C17orf67: variants seen among roughly 807,000 people sequenced by gnomAD.
C17orf67 encodes uncharacterized protein C17orf67.
In C17orf67, 12 loss-of-function variants were observed where a neutral mutation model predicts 11.2. That is an observed-to-expected ratio of 1.07 (90% CI 0.68 to 1.73). The LOEUF (loss-of-function observed/expected upper bound fraction) is 1.73, where lower values mean the gene tolerates loss of function less well. C17orf67 is among the 40% of genes most tolerant of loss of function. C17orf67 has a pLI of 0.00. For synonymous variants in C17orf67, 59 were observed against 46.9 expected (o/e 1.26, Z -1.05); for missense variants, 115 against 113.5 (o/e 1.01, Z -0.06).
chr17:56,817,062 A>G (rs1905778721), intron 4 of C17orf67, among the ~76,000 whole-genome samples: 1 of 151,760 alleles, frequency 6.6e-6, no homozygotes, highest in African/African-American at 2.4e-5. Context: ...CACTATTTTG[A>G]CCAGGTTGGT....
intron 4 of C17orf67, among the ~76,000 whole-genome samples, chr17:56,817,313 A>G (rs957986969): frequency 6.6e-6 from 1 of 152,208 alleles, no homozygotes; most frequent in African/African-American, 2.4e-5. Flanking sequence ...ATTTATGCTA[A>G]TGTGTAACTG....
At chr17:56,796,057 CA>C (rs1017538070) in intron 6 of C17orf67, among the ~76,000 whole-genome samples, 1 of 152,080 alleles carries the variant, frequency 6.6e-6, no homozygotes, top group Admixed American at 6.6e-5. Context: ...ATGCTAATAT[CA>C]AACAAAAAGA....
intron 6 of C17orf67, among the ~76,000 whole-genome samples, 182 bp downstream of exon 6, chr17:56,814,687 C>T (rs546393428): frequency 1.3e-5 from 2 of 152,280 alleles, no homozygotes; most frequent in East Asian, 1.9e-4. Flanking sequence ...ACAGGTGAGT[C>T]GGGCTGGCAC....
chr17:56,832,769 T>C (rs79801284), intron 2 of C17orf67, 129 bp downstream of exon 2: 86 of 152,346 alleles, frequency 5.6e-4, no homozygotes, highest in African/African-American at 2.0e-3. Flanking sequence ...CCTATTACAA[T>C]AGTATATTAT....
At chr17:56,822,606 C>T (rs1394571953) in intron 4 of C17orf67, among the ~76,000 whole-genome samples, 1 of 152,216 alleles carries the variant, frequency 6.6e-6, no homozygotes, top group Non-Finnish European at 1.5e-5. Flanking sequence ...TATTTCTCCT[C>T]CTTCTCTATG....
intron 7 of C17orf67, 128 bp from the exon 8 acceptor site, chr17:56,792,480 G>T (rs1473661574): frequency 1.3e-5 from 2 of 149,962 alleles, no homozygotes; most frequent in East Asian, 3.9e-4. Context: ...AGTGATGATG[G>T]TTATGATGGT....
intron 2 of C17orf67, among the ~76,000 whole-genome samples, chr17:56,828,762 G>A (rs918357849): frequency 1.3e-5 from 2 of 150,294 alleles, no homozygotes; most frequent in African/African-American, 2.5e-5. Context: ...GTTAGGAATC[G>A]ACTCCATGTA....
intron 2 of C17orf67, among the ~76,000 whole-genome samples, chr17:56,825,940 TGTGA>T (rs1375579290): frequency 1.9e-5 from 1 of 51,388 alleles, no homozygotes; most frequent in Non-Finnish European, 4.6e-5. Flanking sequence ...GGGGGAAACC[TGTGA>T]GTGTGTGTGT....
chr17:56,818,705 A>G (rs1468923509), intron 4 of C17orf67, among the ~76,000 whole-genome samples: 1 of 152,226 alleles, frequency 6.6e-6, no homozygotes, highest in Non-Finnish European at 1.5e-5. Flanking sequence ...TATCCAAAAT[A>G]TTATTATTTT....
intron 6 of C17orf67, chr17:56,803,798 C>T (rs1032568714): frequency 6.6e-6 from 1 of 152,128 alleles, no homozygotes; most frequent in Non-Finnish European, 1.5e-5. Context: ...GAAAAACAAC[C>T]AAAACAGACA....
intron 6 of C17orf67, among the ~76,000 whole-genome samples, chr17:56,814,326 A>G (rs1198090859): frequency 6.6e-6 from 1 of 152,208 alleles, no homozygotes; most frequent in Non-Finnish European, 1.5e-5. Context: ...GGGTCTAGTA[A>G]CATCTACTCA....
rs146102667 is a variant in C17orf67, at chr17:56,806,570, C to A, written c.156+8299G>T. 8.9e-3 allele frequency among the ~76,000 whole-genome samples: 1,355 copies of A among 152,168 alleles called. 14 individuals carry two copies. Among genetic ancestry groups the A allele is most frequent in the African/African-American group, 0.021 (858 of 41,514 alleles). Reference sequence around the variant, plus strand: ...CTAGGAAGGCAGAATTTTACTGTTACCCAGGTTGGAGTGCAGCAATCATAG... The same window carrying A: ...CTAGGAAGGCAGAATTTTACTGTTAACCAGGTTGGAGTGCAGCAATCATAG... On this transcript the variant is annotated intron_variant, in intron 6 of 7. Transcript: ENST00000397861.
At chr17:56,830,462 T>C (rs1906167689) in intron 2 of C17orf67, among the ~76,000 whole-genome samples, 1 of 152,234 alleles carries the variant, frequency 6.6e-6, no homozygotes, top group Non-Finnish European at 1.5e-5. Flanking sequence ...AGTGGATATT[T>C]TTCAAAAAAC....
At chr17:56,819,535 GGA>G in intron 4 of C17orf67, among the ~76,000 whole-genome samples, 1 of 152,266 alleles carries the variant, frequency 6.6e-6, no homozygotes, top group East Asian at 1.9e-4. Flanking sequence ...TGGTGAGACT[GGA>G]GAGAGTCGGA....
rs546928411 is a variant in C17orf67 at position 56,805,022 on chromosome 17, A to G, written c.157-9842T>C. ...TGGAAAGAAGTAACAATCATTTAGT[A>G]AATGCCAATACTGTACGGTGCTTGG... is the stretch of plus-strand genomic sequence containing the variant. On this transcript the variant is annotated intron_variant, in intron 6 of 7. Transcript: ENST00000397861. Among the ~76,000 whole-genome samples, 86 of 152,368 alleles carry G rather than the reference A, an allele frequency of 5.6e-4. 1 individual carries two copies. In the Middle Eastern group the frequency reaches 0.017, roughly 30 times the overall value.
intron 5 of C17orf67, 58 bp downstream of exon 5, chr17:56,815,694 CAAAT>C: frequency 7.2e-7 from 1 of 1,380,060 alleles, no homozygotes; most frequent in Non-Finnish European, 9.6e-7. Context: ...AATTAAATAT[CAAAT>C]AGACTATTAT....
At chr17:56,816,054 T>C in intron 4 of C17orf67, 44 bp from the exon 5 acceptor site, 1 of 609,920 alleles carries the variant, frequency 1.6e-6, no homozygotes, top group Non-Finnish European at 2.6e-6. Flanking sequence ...TTTCAGAGCT[T>C]GAATCTGAAA....
intron 7 of C17orf67, among the ~76,000 whole-genome samples, chr17:56,792,954 GTGGTGA>G (rs1252352503): frequency 1.4e-5 from 2 of 138,206 alleles, no homozygotes; most frequent in East Asian, 2.1e-4. Flanking sequence ...GGTGGCGATG[GTGGTGA>G]TGGTGATGGT....
intron 2 of C17orf67, among the ~76,000 whole-genome samples, chr17:56,826,490 C>T (rs545932953): frequency 6.5e-4 from 99 of 152,282 alleles, no homozygotes; most frequent in Admixed American, 2.1e-3. Context: ...CTCACAATCC[C>T]ATCTAACACT....
Sources: gnomAD v4.1 joint callset for allele counts (sites outside exome capture counted in the v4.1 genomes callset) on GRCh38, gnomAD v4.1.1 for gene constraint, MANE v1.5 for transcripts, NCBI Gene and HGNC (gene_info 2026-07-23, HGNC 2026-07-21) for gene names.